HPSE2: variants seen among roughly 807,000 people sequenced by gnomAD.
The protein encoded by HPSE2 is inactive heparanase-2.
A neutral mutation model predicts 60.5 loss-of-function variants in HPSE2; 38 were observed. The ratio of observed to expected loss-of-function variants is 0.63; its 90% CI spans 0.48 to 0.82. HPSE2 has a LOEUF of 0.82. Among genes scored for constraint, HPSE2 ranks in the 40% least tolerant of loss-of-function variants. The probability of loss-of-function intolerance (pLI) is 0.00; values close to 1 mark genes in which losing one functional copy is unlikely to be tolerated. For missense variants in HPSE2, 713 were observed against 740.4 expected, an observed-to-expected ratio of 0.96 and a Z score of 0.43; for synonymous variants, 295 against 293.2, an observed-to-expected ratio of 1.01 and a Z score of -0.06.
intron 3 of HPSE2, among the ~76,000 whole-genome samples, chr10:98,812,202 C>T (rs755660690): frequency 6.6e-6 from 1 of 152,040 alleles, no homozygotes; most frequent in Non-Finnish European, 1.5e-5. Context: ...TATTGGTAAC[C>T]GTTGCTCCAT....
intron 6 of HPSE2, among the ~76,000 whole-genome samples, chr10:98,685,936 T>C (rs1453888425): frequency 2.6e-5 from 4 of 152,200 alleles, no homozygotes; most frequent in African/African-American, 9.6e-5. Flanking sequence ...AATTTGTTGG[T>C]ATAAAGCTGT....
intron 3 of HPSE2, among the ~76,000 whole-genome samples, chr10:99,127,397 T>G (rs548399109): frequency 1.5e-4 from 23 of 152,194 alleles, no homozygotes; most frequent in African/African-American, 5.5e-4. Context: ...AAGAAAGAAC[T>G]TCAGAGCTCA....
chr10:99,307,072 G>A, the HPSE2 span, among the ~76,000 whole-genome samples: 1 of 152,128 alleles, frequency 6.6e-6, no homozygotes, highest in Non-Finnish European at 1.5e-5. Context: ...TATACTTTAA[G>A]TTGCTGCCTG....
chr10:98,475,255 C>T (rs1940958781), intron 11 of HPSE2, among the ~76,000 whole-genome samples: 2 of 151,870 alleles, frequency 1.3e-5, no homozygotes. Flanking sequence ...GTAGCTGGAA[C>T]TACAGGCACC....
intron 2 of HPSE2, among the ~76,000 whole-genome samples, chr10:99,171,614 T>G (rs1847312423): frequency 6.6e-6 from 1 of 152,174 alleles, no homozygotes; most frequent in South Asian, 2.1e-4. Context: ...GAGTGCCAAT[T>G]AGAGCCAATA....
chr10:98,943,262 A>T (rs73332102), intron 3 of HPSE2, among the ~76,000 whole-genome samples: 2 of 151,200 alleles, frequency 1.3e-5, no homozygotes, highest in Non-Finnish European at 3.0e-5. Flanking sequence ...TAATAAAAAA[A>T]TAAATAAATA....
chr10:98,838,909 T>A (rs557916943), intron 3 of HPSE2, among the ~76,000 whole-genome samples: 12 of 152,318 alleles, frequency 7.9e-5, no homozygotes, highest in Admixed American at 7.8e-4. Flanking sequence ...CATCTGTAGA[T>A]CCTGTGAACA....
chr10:98,536,903 T>C (rs558780105), intron 9 of HPSE2, among the ~76,000 whole-genome samples: 2 of 152,102 alleles, frequency 1.3e-5, no homozygotes, highest in South Asian at 2.1e-4. Context: ...TGGCACAAGA[T>C]GGGGTTGGAG....
At chr10:99,273,581 G>A in the HPSE2 span, among the ~76,000 whole-genome samples, 3 of 152,156 alleles carry the variant, frequency 2.0e-5, no homozygotes, top group Admixed American at 2.0e-4. Flanking sequence ...AAATTTGGGA[G>A]AATCAGGTCC....
chr10:99,165,143 T>C, intron 2 of HPSE2, among the ~76,000 whole-genome samples: 1 of 151,940 alleles, frequency 6.6e-6, no homozygotes. Flanking sequence ...CCGTAATTTC[T>C]TTCTCTGACA....
At position 98,657,633 on chromosome 10, in the gene HPSE2, G is replaced by A. The variant is rs570819624; in HGVS notation, c.1005-15693C>T. The stretch of plus-strand genomic sequence containing the variant: ...ATTACAGGCGTGAGCCACCATGCCC[G>A]GCCCCAAATCCATTTTTTATATTAT... On this transcript the variant is annotated intron_variant, in intron 6 of 11. Transcript: ENST00000370552. Among the ~76,000 whole-genome samples, 10 of 152,254 alleles carry A rather than the reference G, an allele frequency of 6.6e-5. No homozygotes were observed. The East Asian group carries it at 1.4e-3, about 21-fold the overall frequency.
intron 2 of HPSE2, among the ~76,000 whole-genome samples, chr10:99,174,454 T>C (rs1847444028): frequency 6.6e-6 from 1 of 152,228 alleles, no homozygotes; most frequent in South Asian, 2.1e-4. Context: ...ATGATCTTAC[T>C]ATGGGAGCAA....
At chr10:98,761,419 G>T (rs992668542) in intron 3 of HPSE2, among the ~76,000 whole-genome samples, 1 of 151,962 alleles carries the variant, frequency 6.6e-6, no homozygotes, top group South Asian at 2.1e-4. Context: ...CCTTCCTTCT[G>T]CTAACTTTCG....
At chr10:98,820,054 G>A (rs1352535889) in intron 3 of HPSE2, among the ~76,000 whole-genome samples, 1 of 151,942 alleles carries the variant, frequency 6.6e-6, no homozygotes, top group Non-Finnish European at 1.5e-5. Flanking sequence ...TTTAAAAAAA[G>A]CATTCATGTG....
chr10:99,228,751 A>C (rs562919745), intron 2 of HPSE2, among the ~76,000 whole-genome samples: 1 of 152,260 alleles, frequency 6.6e-6, no homozygotes, highest in Admixed American at 6.5e-5. Flanking sequence ...AAAGTGATAC[A>C]TAAACAGTGG....
intron 3 of HPSE2, among the ~76,000 whole-genome samples, chr10:98,849,704 T>C (rs957464351): frequency 6.6e-6 from 1 of 152,218 alleles, no homozygotes; most frequent in Non-Finnish European, 1.5e-5. Flanking sequence ...TAATTTGTAA[T>C]TGGCTATAAA....
At chr10:98,627,028 C>T (rs1279043862) in intron 7 of HPSE2, among the ~76,000 whole-genome samples, 1 of 152,202 alleles carries the variant, frequency 6.6e-6, no homozygotes, top group African/African-American at 2.4e-5. Context: ...CCACCTCAGC[C>T]TCTCAAAGTG....
chr10:99,127,131 G>A (rs1487783781), intron 3 of HPSE2, among the ~76,000 whole-genome samples: 2 of 152,108 alleles, frequency 1.3e-5, no homozygotes, highest in African/African-American at 4.8e-5. Flanking sequence ...CCCAGCAATG[G>A]ATCCAAACCA....
At chr10:99,224,896 A>C (rs1023801519) in intron 2 of HPSE2, among the ~76,000 whole-genome samples, 2 of 152,064 alleles carry the variant, frequency 1.3e-5, no homozygotes, top group African/African-American at 4.8e-5. Flanking sequence ...AGCCACCTCC[A>C]CAAGTAATGG....
Sources: gnomAD v4.1 joint callset for allele counts (sites outside exome capture counted in the v4.1 genomes callset) on GRCh38, gnomAD v4.1.1 for gene constraint, MANE v1.5 for transcripts, NCBI Gene and HGNC (gene_info 2026-07-23, HGNC 2026-07-21) for gene names.